The following WDR45B variants were observed in gnomAD, a reference collection of about 807,000 sequenced individuals.
The protein encoded by WDR45B is WD repeat domain phosphoinositide-interacting protein 3.
WDR45B carries 20 observed loss-of-function variants against 44.6 expected under a neutral mutation model. That is an observed-to-expected ratio of 0.45 (90% CI 0.32 to 0.65). The LOEUF (loss-of-function observed/expected upper bound fraction) is 0.65. Among genes scored for constraint, WDR45B ranks in the 30% least tolerant of loss-of-function variants. The pLI, the probability that WDR45B is intolerant of heterozygous loss-of-function variation, is 0.05. For synonymous variants in WDR45B, 169 were observed against 164.9 expected, an observed-to-expected ratio of 1.02 and a Z score of -0.19; for missense variants, 323 against 430.2, an observed-to-expected ratio of 0.75 and a Z score of 2.20.
chr17:82,646,306 G>A (rs2045974683), intron 1 of WDR45B, among the ~76,000 whole-genome samples: 1 of 151,456 alleles, frequency 6.6e-6, no homozygotes, highest in Non-Finnish European at 1.5e-5. Context: ...GACTCAACAC[G>A]GAGAAACCCA....
chr17:82,619,014 T>C, intron 7 of WDR45B, 29 bp downstream of exon 7: 1 of 1,610,914 alleles, frequency 6.2e-7, no homozygotes, highest in South Asian at 1.1e-5. Context: ...CCCGAAGTTC[T>C]TCTCCGGTGA....
chr17:82,634,507 A>C lies in WDR45B; in HGVS notation c.143-3485T>G, dbSNP rs533092882. 1.0e-4 allele frequency among the ~76,000 whole-genome samples: 15 copies of C among 150,678 alleles called. 1 individual carries two copies. Among genetic ancestry groups the C allele is most frequent in the African/African-American group, 3.5e-4 (14 of 40,054 alleles). On this transcript the variant is annotated intron_variant, in intron 2 of 9. Transcript: ENST00000392325. ...ACTCTGTCTCAAAAAAAAAGAAAAA[A>C]ACAAAGTTACCATATGATCCAGCAA... is the stretch of plus-strand genomic sequence containing the variant.
intron 1 of WDR45B, among the ~76,000 whole-genome samples, chr17:82,646,587 G>A (rs925826178): frequency 6.6e-6 from 1 of 151,340 alleles, no homozygotes. Context: ...ACTAATCTAT[G>A]ATGTCACAAG....
intron 2 of WDR45B, among the ~76,000 whole-genome samples, chr17:82,637,727 T>C (rs1407818759): frequency 2.0e-5 from 3 of 152,026 alleles, no homozygotes; most frequent in Non-Finnish European, 4.4e-5. Flanking sequence ...GATGAAGAGA[T>C]GCATAGGGCA....
intron 2 of WDR45B, among the ~76,000 whole-genome samples, chr17:82,634,946 G>C (rs1598273712): frequency 1.3e-5 from 2 of 152,016 alleles, no homozygotes; most frequent in East Asian, 3.9e-4. Flanking sequence ...ATATATGATG[G>C]CATTCACGGG....
chr17:82,628,653 C>A (rs549510506), intron 3 of WDR45B, among the ~76,000 whole-genome samples: 3 of 152,094 alleles, frequency 2.0e-5, no homozygotes, highest in Admixed American at 6.5e-5. Flanking sequence ...GCTATGATCA[C>A]CCCACTGCAC....
chr17:82,625,435 G>T lies in WDR45B; in HGVS notation c.381C>A (p.His127Gln). 6.2e-7 allele frequency: 1 copy of T among 1,614,208 alleles called. No individual in the cohort carries two copies. Among genetic ancestry groups the T allele is most frequent in the Non-Finnish European group, 8.5e-7 (1 of 1,180,046 alleles). Residue 127 changes from histidine to glutamine, a missense_variant, in exon 5 of 10, where the codon CAC becomes CAA. Transcript: ENST00000392325. ...CGAAGACGTGCAACTGATGGGGATT[G>T]TGTGTGAATGTGAACACCTTAATCA... ...DSMIKVFTFT[H>Q]NPHQLHVFET... is the part of the protein sequence containing the mutation.
At position 82,643,971 on chromosome 17, in the gene WDR45B, T is replaced by A; in HGVS notation, c.120A>T (p.Pro40=). ...ENGFRVYNTD[P]LKEKEKQEFL... is the part of the protein sequence containing the mutation. ...TACCTTGTTTCTCTTTTTCTTTTAG[T>A]GGATCAGTGTTATAGACTCGGAATC... Residue 40 remains proline, a synonymous_variant, in exon 2 of 10, where the codon CCA becomes CCT. Transcript: ENST00000392325. The A allele has an allele frequency of 6.2e-7, 1 of 1,614,138 alleles. No individual in the cohort carries two copies. Among genetic ancestry groups the A allele is most frequent in the South Asian group, 1.1e-5 (1 of 91,072 alleles).
At chr17:82,640,962 T>C (rs934450762) in intron 2 of WDR45B, among the ~76,000 whole-genome samples, 2 of 95,516 alleles carry the variant, frequency 2.1e-5, no homozygotes, top group Non-Finnish European at 3.9e-5. Context: ...AGATGTTTCT[T>C]GTCTGGGTTT....
At chr17:82,617,053 G>A (rs908426459) in intron 8 of WDR45B, among the ~76,000 whole-genome samples, 3 of 152,186 alleles carry the variant, frequency 2.0e-5, no homozygotes, top group Non-Finnish European at 4.4e-5. Flanking sequence ...CTGACCTCAG[G>A]TGATCTGCCC....
chr17:82,625,748 C>A, intron 4 of WDR45B: 1 of 483,950 alleles, frequency 2.1e-6, no homozygotes, highest in South Asian at 2.1e-5. Context: ...AGAGAGACAT[C>A]ATCAAACACT....
Position 82,617,344 on chromosome 17 carries a change from G to T in WDR45B, c.758C>A (p.Thr253Lys). 2 of 1,614,014 alleles carry T rather than the reference G, an allele frequency of 1.2e-6. No individual in the cohort carries two copies. The highest frequency in any genetic ancestry group is 1.7e-6 in the Non-Finnish European group (2 of 1,180,020). ...SLICVSSDHG[T>K]VHIFAAEDPK... ...ATCTTCAGCTGCAAAAATATGCACT[G>T]TGCCGTGGTCGCTGGATACGCAGAT... The change falls in exon 8 of 10, where the codon ACA becomes AAA. Residue 253 changes from threonine to lysine, a missense_variant. Transcript: ENST00000392325.
chr17:82,641,750 T>G (rs2045918989), intron 2 of WDR45B, among the ~76,000 whole-genome samples: 1 of 151,912 alleles, frequency 6.6e-6, no homozygotes, highest in Non-Finnish European at 1.5e-5. Context: ...CAAAAAAAAT[T>G]AGCCAGGCGT....
At chr17:82,624,248 G>C (rs976090752) in intron 5 of WDR45B, among the ~76,000 whole-genome samples, 5 of 152,216 alleles carry the variant, frequency 3.3e-5, no homozygotes, top group African/African-American at 1.2e-4. Context: ...ACTGTCCCAA[G>C]AAAGTTTTCC....
rs533504374 is a variant in WDR45B at position 82,626,620 on chromosome 17, G to A, written c.332+584C>T. Among the ~76,000 whole-genome samples the A allele has an allele frequency of 2.0e-3, 298 of 148,360 alleles. 3 individuals are homozygous for A. The highest frequency in any genetic ancestry group is 1.8e-3 in the Non-Finnish European group (122 of 67,622). ...CTTGCTCGGCTGCTGTCCTCCCACA[G>A]CCGACAGAGATGGAAATCTTAGAGT... On this transcript the variant is annotated intron_variant, in intron 4 of 9. Coordinates refer to ENST00000392325, the MANE Select transcript of WDR45B (RefSeq NM_019613.4).
chr17:82,616,853 T>C (rs2045543854), intron 8 of WDR45B, among the ~76,000 whole-genome samples: 1 of 152,178 alleles, frequency 6.6e-6, no homozygotes, highest in Non-Finnish European at 1.5e-5. Context: ...AGTCTCGCTC[T>C]GTAGCCCAGG....
At chr17:82,628,598 G>A (rs2045728602) in intron 3 of WDR45B, among the ~76,000 whole-genome samples, 1 of 151,530 alleles carries the variant, frequency 6.6e-6, no homozygotes, top group Non-Finnish European at 1.5e-5. Flanking sequence ...TTAAAAATTA[G>A]TCACAGCTAC....
In WDR45B at chr17:82,615,842, G is replaced by A. The variant is rs2045525092; in HGVS notation, c.*77C>T. On this transcript the variant is annotated 3_prime_UTR_variant, in exon 10 of 10. Coordinates refer to ENST00000392325, the MANE Select transcript of WDR45B (RefSeq NM_019613.4). ...AGCCCCTCCAGCCCGTGGCCCAGGAGGCCCCTGGGGCACTGGCACCAGCCC... is the reference window on the plus strand; with the variant it reads ...AGCCCCTCCAGCCCGTGGCCCAGGAAGCCCCTGGGGCACTGGCACCAGCCC... 2.9e-6 allele frequency: 4 copies of A among 1,397,054 alleles called. 1 individual carries two copies. Among genetic ancestry groups the A allele is most frequent in the South Asian group, 2.3e-5 (2 of 86,670 alleles). 86.5% of individuals were successfully genotyped at this position (1,397,054 alleles called of 1,614,324 possible). A position where few individuals can be genotyped will look rare whatever the true frequency, so the allele number is the denominator to read the frequency against.
intron 2 of WDR45B, among the ~76,000 whole-genome samples, chr17:82,634,413 G>A (rs1048161014): frequency 3.9e-5 from 6 of 151,926 alleles, no homozygotes; most frequent in South Asian, 2.1e-4. Flanking sequence ...GCTTGAACCC[G>A]GGAGGCGGAG....
Sources: allele counts gnomAD v4.1 joint callset (sites outside exome capture counted in the v4.1 genomes callset), GRCh38; gene constraint gnomAD v4.1.1; transcripts MANE v1.5; gene names NCBI Gene and HGNC (gene_info 2026-07-23, HGNC 2026-07-21).